Variants in TOGARAM2 observed in about 807,000 individuals in gnomAD.
TOGARAM2 encodes the protein TOG array regulator of axonemal microtubules protein 2.
A neutral mutation model predicts 93.3 loss-of-function variants in TOGARAM2; 85 were observed. That is an observed-to-expected ratio of 0.91 (90% CI 0.76 to 1.09). The LOEUF is 1.09. Among genes scored for constraint, TOGARAM2 ranks in the 50% least tolerant of loss-of-function variants. The pLI, the probability that TOGARAM2 is intolerant of heterozygous loss-of-function variation, is 0.00. For synonymous variants in TOGARAM2, 593 were observed against 552.8 expected (o/e 1.07, Z -1.02); for missense variants, 1,277 against 1,334.5 (o/e 0.96, Z 0.67).
Position 28,999,226 on chromosome 2 carries a change from C to T in TOGARAM2, c.185C>T (p.Pro62Leu), listed in dbSNP as rs568130899. ...EPRALLNNEE[P>L]SQLLRGLGQL... ...AGAGCCCTGCTGAACAACGAGGAAC[C>T]GTCACAGCTCCTGCGTGGACTCGGA... Residue 62 changes from proline to leucine, a missense_variant, in exon 4 of 20, where the codon CCG becomes CTG. Physicochemically the swap from Pro to Leu is moderately conservative, Grantham distance 98 (BLOSUM62 -3). Coordinates refer to ENST00000379558, the MANE Select transcript of TOGARAM2 (RefSeq NM_199280.4). The T allele has an allele frequency of 1.4e-4, 225 of 1,613,694 alleles. No homozygotes were observed. Among genetic ancestry groups the T allele is most frequent in the Non-Finnish European group, 1.8e-4 (210 of 1,179,818 alleles).
At chr2:28,972,381 G>A (rs1671961752) in intron 1 of TOGARAM2, 1 of 152,206 alleles carries the variant, frequency 6.6e-6, no homozygotes, top group Non-Finnish European at 1.5e-5. Flanking sequence ...GGGATTACAG[G>A]TGTGAGCCAC....
intron 8 of TOGARAM2, among the ~76,000 whole-genome samples, chr2:29,014,947 A>C (rs1558434698): frequency 6.6e-6 from 1 of 152,188 alleles, no homozygotes; most frequent in Non-Finnish European, 1.5e-5. Flanking sequence ...CACCCAAGAT[A>C]GCAAATGAGA....
intron 1 of TOGARAM2, among the ~76,000 whole-genome samples, chr2:28,994,368 G>A (rs1032236492): frequency 6.6e-5 from 10 of 152,124 alleles, no homozygotes; most frequent in African/African-American, 2.4e-4. Context: ...GGCAGCTGGC[G>A]GACTCAGGGG....
chr2:28,991,036 G>GTTTT (rs1210440318), intron 1 of TOGARAM2, among the ~76,000 whole-genome samples: 2 of 126,318 alleles, frequency 1.6e-5, no homozygotes, highest in Admixed American at 7.9e-5. Context: ...GTGTGTGTGT[G>GTTTT]TGTGGCTTTT....
upstream of TOGARAM2, among the ~76,000 whole-genome samples, chr2:28,978,558 C>G (rs1277188549): frequency 6.6e-6 from 1 of 152,150 alleles, no homozygotes; most frequent in East Asian, 1.9e-4. Flanking sequence ...TAGTCTTCCA[C>G]TGACCAAATC....
rs576445776 is a variant in TOGARAM2, at chr2:29,035,572, C to A, written c.2334C>A (p.Asp778Glu). 5.7e-6 allele frequency: 9 copies of A among 1,590,658 alleles called. No individual in the cohort carries two copies. Among genetic ancestry groups the A allele is most frequent in the Non-Finnish European group, 6.9e-6 (8 of 1,167,574 alleles). Residue 778 changes from aspartate to glutamate, a missense_variant, in exon 17 of 20, where the codon GAC (aspartate) becomes GAA (glutamate). Asp to Glu is a conservative substitution (Grantham distance 45). Transcript: ENST00000379558. ...RELTRLLEAK[D>E]FRSRMEGVGQ... is the part of the protein sequence containing the mutation. The stretch of plus-strand genomic sequence containing the variant: ...TGACACGGCTGCTGGAGGCCAAGGA[C>A]TTCCGGTCCCGGATGGAAGGCGTGG...
At position 29,045,292 on chromosome 2, in the gene TOGARAM2, GTGTGGCCACTGACATCCCCCTTC is replaced by G. The variant is rs766066076; in HGVS notation, c.2636-30_2636-8del. On this transcript the variant is annotated splice_polypyrimidine_tract_variant and intron_variant, in intron 18 of 19. Transcript: ENST00000379558. ...TAGTGCTGTCACTCAGCCCCCAGCA[GTGTGGCCACTGACATCCCCCTTC>G]TCTTTCAGACAACCTTTGCCTTCTA... is the stretch of plus-strand genomic sequence containing the variant. The G allele has an allele frequency of 5.7e-6, 9 of 1,588,496 alleles. No homozygotes were observed. The South Asian group carries it at 7.8e-5, about 14-fold the overall frequency.
intron 14 of TOGARAM2, among the ~76,000 whole-genome samples, chr2:29,029,298 CTG>C (rs1165731748): frequency 6.6e-5 from 10 of 151,164 alleles, no homozygotes; most frequent in South Asian, 2.1e-4. Flanking sequence ...CACACACACA[CTG>C]GAATACTTAG....
chr2:29,044,396 T>C (rs1424021144), intron 18 of TOGARAM2, among the ~76,000 whole-genome samples: 1 of 152,092 alleles, frequency 6.6e-6, no homozygotes, highest in East Asian at 1.9e-4. Flanking sequence ...AAACCATTGA[T>C]GATAATATGT....
intron 1 of TOGARAM2, among the ~76,000 whole-genome samples, chr2:28,973,680 A>G (rs926557129): frequency 4.6e-5 from 7 of 151,816 alleles, no homozygotes; most frequent in Admixed American, 3.9e-4. Flanking sequence ...GCATCACCAC[A>G]TCCAGCTAAT....
intron 1 of TOGARAM2, among the ~76,000 whole-genome samples, chr2:28,957,066 T>C (rs1671729419): frequency 6.8e-6 from 1 of 146,144 alleles, no homozygotes; most frequent in Non-Finnish European, 1.6e-5. Flanking sequence ...ATCGCGCCAC[T>C]ACACTCCAGC....
intron 16 of TOGARAM2, among the ~76,000 whole-genome samples, chr2:29,034,127 C>T (rs1366312480): frequency 6.6e-6 from 1 of 152,276 alleles, no homozygotes; most frequent in South Asian, 2.1e-4. Flanking sequence ...AAGCCCCATG[C>T]CCACTTCTTC....
At chr2:29,012,307 C>T (rs1380509316) in intron 7 of TOGARAM2, among the ~76,000 whole-genome samples, 1 of 152,196 alleles carries the variant, frequency 6.6e-6, no homozygotes, top group African/African-American at 2.4e-5. Context: ...TGCTAATCAG[C>T]TCAGCTGGTG....
intron 18 of TOGARAM2, among the ~76,000 whole-genome samples, chr2:29,040,062 T>G (rs1666340544): frequency 6.6e-6 from 1 of 152,216 alleles, no homozygotes; most frequent in Non-Finnish European, 1.5e-5. Flanking sequence ...TTTATTACCT[T>G]ATATAAATCA....
rs542449733 is a variant in TOGARAM2 at position 29,017,015 on chromosome 2, C to T, written c.1045-139C>T. 25 of 1,046,170 alleles carry T rather than the reference C, an allele frequency of 2.4e-5. 1 individual carries two copies. In the South Asian group the frequency reaches 3.3e-4, roughly 14 times the overall value. 64.8% of individuals were successfully genotyped at this position (1,046,170 alleles called of 1,614,324 possible). On this transcript the variant is annotated intron_variant, in intron 8 of 19. Coordinates refer to ENST00000379558, the MANE Select transcript of TOGARAM2 (RefSeq NM_199280.4). ...GTTGTCTCTCCCCCACACTTCAAAG[C>T]TCTTAAGGTGCAAGGAGTTTGTCTT...
intron 16 of TOGARAM2, 146 bp downstream of exon 16, chr2:29,033,709 T>C (rs1164870775): frequency 1.9e-5 from 13 of 685,968 alleles, no homozygotes; most frequent in Non-Finnish European, 3.1e-5. Flanking sequence ...TACTAATAGA[T>C]GAATTTGCAG....
chr2:28,966,019 T>C (rs1671860200), intron 1 of TOGARAM2, among the ~76,000 whole-genome samples: 1 of 152,112 alleles, frequency 6.6e-6, no homozygotes, highest in Admixed American at 6.5e-5. Context: ...GAGGGCTCAC[T>C]TAGCTTATTT....
At chr2:28,993,151 C>T (rs749544023) in intron 1 of TOGARAM2, among the ~76,000 whole-genome samples, 11 of 151,736 alleles carry the variant, frequency 7.2e-5, no homozygotes, top group East Asian at 1.9e-4. Context: ...GGAGGTGGGG[C>T]GTGGAAATCT....
intron 1 of TOGARAM2, among the ~76,000 whole-genome samples, chr2:28,967,877 A>G (rs1671888839): frequency 1.4e-5 from 2 of 143,456 alleles, no homozygotes; most frequent in African/African-American, 5.3e-5. Context: ...CAGTGGCTCA[A>G]TGTCGGCTCA....
Sources: gnomAD v4.1 joint callset for allele counts (sites outside exome capture counted in the v4.1 genomes callset) on GRCh38, gnomAD v4.1.1 for gene constraint, MANE v1.5 for transcripts, NCBI Gene and HGNC (gene_info 2026-07-23, HGNC 2026-07-21) for gene names.